Variants in FAT1 observed in about 807,000 individuals in gnomAD.
The protein encoded by FAT1 is protocadherin Fat 1.
A neutral mutation model predicts 329.8 loss-of-function variants in FAT1; 171 were observed. The ratio of observed to expected loss-of-function variants is 0.52; its 90% CI spans 0.46 to 0.59. FAT1 has a LOEUF of 0.59. Ranked by LOEUF, FAT1 falls within the 20% of genes least tolerant of loss-of-function variation. The probability of loss-of-function intolerance (pLI) is 0.00; values close to 1 mark genes in which losing one functional copy is unlikely to be tolerated. For missense variants in FAT1, 5,672 were observed against 5,774.4 expected, an observed-to-expected ratio of 0.98 and a Z score of 0.57; for synonymous variants, 2,233 against 2,228.6, an observed-to-expected ratio of 1.00 and a Z score of -0.06.
intron 11 of FAT1, among the ~76,000 whole-genome samples, chr4:186,616,682 C>T (rs746110457): frequency 2.6e-5 from 4 of 152,194 alleles, no homozygotes; most frequent in Admixed American, 6.5e-5. Context: ...CTTTGTTTCC[C>T]GTCAGATCCT....
At chr4:186,613,465 A>C in intron 12 of FAT1, 123 bp from the exon 13 acceptor site, 1 of 724,348 alleles carries the variant, frequency 1.4e-6, no homozygotes, top group South Asian at 1.7e-5. Flanking sequence ...TCCTCTTGAG[A>C]CCAGTATTAT....
intron 2 of FAT1, among the ~76,000 whole-genome samples, chr4:186,698,981 T>G (rs1273043955): frequency 6.6e-6 from 1 of 152,242 alleles, no homozygotes; most frequent in Non-Finnish European, 1.5e-5. Context: ...TGCATCATAT[T>G]TCCATCATTT....
intron 12 of FAT1, among the ~76,000 whole-genome samples, chr4:186,613,752 A>G: frequency 6.6e-6 from 1 of 152,232 alleles, no homozygotes; most frequent in East Asian, 1.9e-4. Context: ...ATACAAAAGG[A>G]AAACAACTCT....
chr4:186,723,878 C>CGCCCCG (rs1240751380), upstream of FAT1: 2 of 149,318 alleles, frequency 1.3e-5, no homozygotes, highest in South Asian at 2.1e-4. Context: ...GAGATCCCTC[C>CGCCCCG]GCCCCGGCCC....
At chr4:186,604,839 G>C (rs1258708176) in intron 17 of FAT1, among the ~76,000 whole-genome samples, 1 of 151,748 alleles carries the variant, frequency 6.6e-6, no homozygotes, top group Non-Finnish European at 1.5e-5. Context: ...AGGGAGGAGG[G>C]GAAGCAGACA....
At chr4:186,630,900 A>C (rs1163484970) in intron 7 of FAT1, among the ~76,000 whole-genome samples, 1 of 152,198 alleles carries the variant, frequency 6.6e-6, no homozygotes, top group Non-Finnish European at 1.5e-5. Flanking sequence ...AAGAAAAAAA[A>C]GGTAACTGGA....
intron 2 of FAT1, among the ~76,000 whole-genome samples, chr4:186,668,702 G>C (rs541082661): frequency 1.3e-5 from 2 of 152,136 alleles, no homozygotes; most frequent in Non-Finnish European, 2.9e-5. Context: ...CTAAAGCCAC[G>C]ACTGGCATTT....
chr4:186,686,080 C>T (rs1451301171), intron 2 of FAT1, among the ~76,000 whole-genome samples: 1 of 152,186 alleles, frequency 6.6e-6, no homozygotes, highest in Non-Finnish European at 1.5e-5. Context: ...CCAACTGTTC[C>T]ATTAAAACAG....
rs540678978 is a variant in FAT1 at position 186,612,099 on chromosome 4, G to A, written c.9464-324C>T. Among the ~76,000 whole-genome samples the A allele has an allele frequency of 6.4e-3, 954 of 148,738 alleles. 5 individuals carry two copies. The highest frequency in any genetic ancestry group is 0.011 in the Non-Finnish European group (775 of 67,484). On this transcript the variant is annotated intron_variant, in intron 13 of 26. Transcript: ENST00000441802. The stretch of plus-strand genomic sequence containing the variant: ...GCCAGGATCCCAGGCGTGAGCCACC[G>A]CACCCGGCCAACGCTTTTTTTTTTT...
chr4:186,621,897 G>C (rs533007706), intron 9 of FAT1, 122 bp from the exon 10 acceptor site: 2 of 621,062 alleles, frequency 3.2e-6, no homozygotes, highest in Non-Finnish European at 5.3e-6. Flanking sequence ...AGAAACTCAG[G>C]GGATGTCAAT....
At position 186,596,796 on chromosome 4, in the gene FAT1, C is replaced by T. The variant is rs1022958608; in HGVS notation, c.12744G>A (p.Gln4248=). The stretch of plus-strand genomic sequence containing the variant: ...TGTAGGAAATAGGCCGGACAGGCAC[C>T]TGGGGTGGTATGTCTGAGTAAATGT... ...NKNIYSDIPP[Q]VPVRPISYTP... is the part of the protein sequence containing the mutation. Residue 4248 remains glutamine, a synonymous_variant, in exon 25 of 27, where the codon CAG becomes CAA. Coordinates refer to ENST00000441802, the MANE Select transcript of FAT1 (RefSeq NM_005245.4). The surrounding 1 kb of genome is among the most constrained non-coding windows in gnomAD (Gnocchi z 4.7). The T allele has an allele frequency of 2.2e-5, 36 of 1,613,872 alleles. No homozygotes were observed. Among genetic ancestry groups the T allele is most frequent in the Non-Finnish European group, 3.1e-5 (36 of 1,179,896 alleles).
rs777623696 is a variant in FAT1 at position 186,594,682 on chromosome 4, A to ATATATATATATACTTGAAAG, written c.13138+1006_13138+1007insCTTTCAAGTATATATATATA. Among the ~76,000 whole-genome samples, 56 of 96,866 alleles carry ATATATATATATACTTGAAAG rather than the reference A, an allele frequency of 5.8e-4. 2 individuals carry two copies. The highest frequency in any genetic ancestry group is 2.0e-3 in the Admixed American group (18 of 8,978). The allele number at this position is 96,866 out of a possible 152,430, so 63.5% of individuals were successfully genotyped here. A position where few individuals can be genotyped will look rare whatever the true frequency, so the allele number is the denominator to read the frequency against. ...TATATATATATACTTGAAAGTATAT[A>ATATATATATATACTTGAAAG]TATATATATATATATATACTTGAAA... On this transcript the variant is annotated intron_variant, in intron 26 of 26. Transcript: ENST00000441802.
At chr4:186,692,066 C>G (rs945986441) in intron 2 of FAT1, among the ~76,000 whole-genome samples, 1 of 152,062 alleles carries the variant, frequency 6.6e-6, no homozygotes, top group African/African-American at 2.4e-5. Flanking sequence ...TTTCTTCCCC[C>G]CCATGTATAT....
At chr4:186,719,307 A>C (rs894368027) in intron 1 of FAT1, among the ~76,000 whole-genome samples, 5 of 152,202 alleles carry the variant, frequency 3.3e-5, no homozygotes, top group African/African-American at 9.6e-5. Flanking sequence ...TCACTATATA[A>C]GAGTTCTGCA....
chr4:186,718,814 C>G (rs993104242), intron 1 of FAT1, among the ~76,000 whole-genome samples: 1 of 152,120 alleles, frequency 6.6e-6, no homozygotes, highest in Non-Finnish European at 1.5e-5. Context: ...CTTAGAACTC[C>G]CTCTCCGCCA....
chr4:186,619,605 G>C lies in FAT1; in HGVS notation c.6981C>G (p.Ser2327Arg), dbSNP rs1443988443. 3.1e-6 allele frequency: 5 copies of C among 1,613,926 alleles called. No individual in the cohort carries two copies. In the Admixed American group the frequency reaches 6.7e-5, roughly 22 times the overall value. The change falls in exon 10 of 27, where the codon AGC becomes AGG. Residue 2327 changes from serine (S) to arginine (R), a missense_variant. Ser to Arg is a moderately radical substitution (Grantham distance 110, BLOSUM62 -1). This residue lies in a region of FAT1 where 3,966 missense variants were observed against 3,915.2 expected (regional missense o/e 1.01). Transcript: ENST00000441802. ...GISYQMFGNH[S>R]KSHDHFHVDS... ...CTACATGAAAATGATCATGACTCTTGCTGTGATTCCCAAACATCTGGTATG... is the reference window on the plus strand; with the variant it reads ...CTACATGAAAATGATCATGACTCTTCCTGTGATTCCCAAACATCTGGTATG...
rs1579337037 is a variant in FAT1 at position 186,621,254 on chromosome 4, C to T, written c.5332G>A (p.Ala1778Thr). The T allele has an allele frequency of 1.2e-6, 2 of 1,614,030 alleles. No homozygotes were observed. The highest frequency in any genetic ancestry group is 1.7e-6 in the Non-Finnish European group (2 of 1,179,874). ...GTTAGGACCACGCTGTTAATTGAGGCTGATTCACTAATGAGTCCTGTATAT... is the reference window on the plus strand; with the variant it reads ...GTTAGGACCACGCTGTTAATTGAGGTTGATTCACTAATGAGTCCTGTATAT... The part of the protein sequence containing the change: ...AEYTGLISES[A>T]SINSVVLTDR... The change falls in exon 10 of 27, where the codon GCC becomes ACC. Residue 1778 changes from alanine to threonine, a missense_variant. Ala to Thr is a moderately conservative substitution (Grantham distance 58, BLOSUM62 0). Around this residue, in one of 2 missense-constraint regions of FAT1, gnomAD observed 3,966 missense variants for 3,915.2 expected, o/e 1.01. Coordinates refer to ENST00000441802, the MANE Select transcript of FAT1 (RefSeq NM_005245.4).
At chr4:186,690,084 A>T (rs1743682827) in intron 2 of FAT1, among the ~76,000 whole-genome samples, 1 of 152,218 alleles carries the variant, frequency 6.6e-6, no homozygotes, top group Non-Finnish European at 1.5e-5. Context: ...AAAACATGTT[A>T]CTGCATTGCG....
intron 3 of FAT1, among the ~76,000 whole-genome samples, chr4:186,657,502 G>A (rs1877732): frequency 0.32 from 48,209 of 151,814 alleles, 8,651 homozygotes; most frequent in South Asian, 0.47. Flanking sequence ...GTTGGGAGGG[G>A]GAATACAGAG....
Sources: gnomAD v4.1 joint callset for allele counts (sites outside exome capture counted in the v4.1 genomes callset) on GRCh38, gnomAD v4.1.1 for gene constraint, gnomAD v4.1.1 regional missense constraint, Gnocchi (gnomAD v3.1) non-coding constraint, MANE v1.5 for transcripts, NCBI Gene and HGNC (gene_info 2026-07-23, HGNC 2026-07-21) for gene names.